The following CACNA2D1 variants were observed in gnomAD, a reference collection of about 807,000 sequenced individuals.
CACNA2D1 encodes voltage-dependent calcium channel subunit alpha-2/delta-1.
CACNA2D1 carries 53 observed loss-of-function variants against 171.5 expected under a neutral mutation model. That is an observed-to-expected ratio of 0.31 (90% CI 0.25 to 0.39). CACNA2D1 has a LOEUF of 0.39. CACNA2D1 is among the 10% of genes least tolerant of loss of function. The pLI is 1.00. For missense variants in CACNA2D1, 903 were observed against 1,299.8 expected, an observed-to-expected ratio of 0.69 and a Z score of 4.69; for synonymous variants, 442 against 443.1, an observed-to-expected ratio of 1.00 and a Z score of 0.03.
chr7:82,141,766 T>A (rs542396231), intron 4 of CACNA2D1, among the ~76,000 whole-genome samples: 423 of 152,316 alleles, frequency 2.8e-3, no homozygotes, highest in South Asian at 0.015. Context: ...ATTAACAATT[T>A]TAGATAGTCA....
chr7:82,085,945 T>C (rs994754452), intron 6 of CACNA2D1, among the ~76,000 whole-genome samples: 1 of 152,142 alleles, frequency 6.6e-6, no homozygotes, highest in African/African-American at 2.4e-5. Flanking sequence ...AAGTCTAGCA[T>C]ACTAAAAATT....
chr7:82,137,416 A>G (rs1462567108), intron 4 of CACNA2D1, among the ~76,000 whole-genome samples: 1 of 152,172 alleles, frequency 6.6e-6, no homozygotes, highest in Admixed American at 6.5e-5. Flanking sequence ...CTCTGAGGCT[A>G]GTTCTATGTA....
chr7:82,292,099 G>T (rs1018519458), intron 3 of CACNA2D1, among the ~76,000 whole-genome samples: 1 of 151,912 alleles, frequency 6.6e-6, no homozygotes, highest in African/African-American at 2.4e-5. Flanking sequence ...ACATAATTAT[G>T]ATAATGAAAA....
intron 3 of CACNA2D1, among the ~76,000 whole-genome samples, chr7:82,183,935 T>C (rs895000710): frequency 1.3e-5 from 2 of 152,182 alleles, no homozygotes; most frequent in Non-Finnish European, 2.9e-5. Flanking sequence ...AGGGGATTCA[T>C]TTCCAGTTAT....
chr7:82,381,334 A>T (rs1823694995), intron 1 of CACNA2D1, among the ~76,000 whole-genome samples: 1 of 151,630 alleles, frequency 6.6e-6, no homozygotes, highest in African/African-American at 2.4e-5. Flanking sequence ...AAAAAAAAAA[A>T]ATACGTCCTT....
intron 38 of CACNA2D1, among the ~76,000 whole-genome samples, chr7:81,954,706 C>A (rs1338956198): frequency 6.6e-6 from 1 of 152,062 alleles, no homozygotes; most frequent in African/African-American, 2.4e-5. Context: ...TGAATTATAG[C>A]CATCATTTAA....
At chr7:82,150,325 T>TC (rs147202376) in intron 4 of CACNA2D1, among the ~76,000 whole-genome samples, 16,294 of 141,870 alleles carry the variant, frequency 0.11, 1,078 homozygotes, top group Middle Eastern at 0.19. Flanking sequence ...ACTTTTTTTT[T>TC]CCCCCCAGTA....
At chr7:82,028,903 ATTC>A (rs1346395104) in intron 12 of CACNA2D1, 2 of 152,116 alleles carry the variant, frequency 1.3e-5, no homozygotes, top group Non-Finnish European at 2.9e-5. Flanking sequence ...TGTTGTGAAC[ATTC>A]TTCAAGTGAC....
intron 4 of CACNA2D1, among the ~76,000 whole-genome samples, chr7:82,167,750 A>G (rs1490512404): frequency 6.6e-6 from 1 of 152,070 alleles, no homozygotes; most frequent in African/African-American, 2.4e-5. Context: ...TAAGTGGTCT[A>G]ACTTGTTTTC....
chr7:82,052,030 A>T (rs1805250458), intron 10 of CACNA2D1, among the ~76,000 whole-genome samples: 1 of 152,210 alleles, frequency 6.6e-6, no homozygotes, highest in African/African-American at 2.4e-5. Context: ...TGTTATTTTT[A>T]AAAAGAATGA....
At chr7:82,226,873 T>G (rs1288942123) in intron 3 of CACNA2D1, among the ~76,000 whole-genome samples, 1 of 152,180 alleles carries the variant, frequency 6.6e-6, no homozygotes, top group East Asian at 1.9e-4. Flanking sequence ...AATCAGGCAC[T>G]GTGCCCAGTT....
Position 82,165,123 on chromosome 7 carries a change from T to C in CACNA2D1, c.354+5427A>G, listed in dbSNP as rs553620772. On this transcript the variant is annotated intron_variant, in intron 4 of 38. Transcript: ENST00000356860. Reference sequence around the variant, plus strand: ...TTTCATCATCTCAATCCCAGGATATTGAAGCAGCGGATTGGTCCTGAAAAT... The same window carrying C: ...TTTCATCATCTCAATCCCAGGATATCGAAGCAGCGGATTGGTCCTGAAAAT... Among the ~76,000 whole-genome samples the C allele has an allele frequency of 1.4e-4, 21 of 152,088 alleles. No homozygotes were observed. In the South Asian group the frequency reaches 4.3e-3, roughly 31 times the overall value.
intron 4 of CACNA2D1, among the ~76,000 whole-genome samples, chr7:82,158,276 C>T (rs896568710): frequency 1.3e-5 from 2 of 151,776 alleles, no homozygotes; most frequent in African/African-American, 4.8e-5. Context: ...GTACTGCCCT[C>T]CTTACTTAAT....
At chr7:82,370,834 A>G (rs1355745844) in intron 1 of CACNA2D1, among the ~76,000 whole-genome samples, 1 of 152,176 alleles carries the variant, frequency 6.6e-6, no homozygotes, top group Non-Finnish European at 1.5e-5. Context: ...TGGTACATTA[A>G]TTGCATGAAA....
chr7:82,270,565 T>TATTC (rs749839487), intron 3 of CACNA2D1, among the ~76,000 whole-genome samples: 3 of 152,168 alleles, frequency 2.0e-5, no homozygotes, highest in Non-Finnish European at 4.4e-5. Flanking sequence ...GGGAGACATG[T>TATTC]ATTCATTTCT....
intron 3 of CACNA2D1, among the ~76,000 whole-genome samples, chr7:82,197,068 C>T (rs965127743): frequency 2.0e-5 from 3 of 151,770 alleles, no homozygotes; most frequent in Non-Finnish European, 4.4e-5. Context: ...CTAGTTTAAG[C>T]ATGTTGCTAT....
rs576261140 is a variant in CACNA2D1 at position 82,150,574 on chromosome 7, T to G, written c.355-13898A>C. The stretch of plus-strand genomic sequence containing the variant: ...TATTCCTGAAAAGTAATGACTATGT[T>G]CCAAGGATAGATGTTTGCAATAGAA... On this transcript the variant is annotated intron_variant, in intron 4 of 38. Coordinates refer to ENST00000356860, the MANE Select transcript of CACNA2D1 (RefSeq NM_000722.4). 2.0e-4 allele frequency among the ~76,000 whole-genome samples: 31 copies of G among 152,222 alleles called. No individual in the cohort carries two copies. The East Asian group carries it at 5.2e-3, about 26-fold the overall frequency.
chr7:81,971,921 G>A, intron 25 of CACNA2D1, 57 bp from the exon 26 acceptor site: 1 of 1,054,098 alleles, frequency 9.5e-7, no homozygotes, highest in Non-Finnish European at 1.5e-6. Flanking sequence ...TGATCATAAT[G>A]AAAAATATAT....
At chr7:82,435,749 T>A (rs1830068418) in intron 1 of CACNA2D1, among the ~76,000 whole-genome samples, 1 of 152,230 alleles carries the variant, frequency 6.6e-6, no homozygotes, top group Non-Finnish European at 1.5e-5. Flanking sequence ...ATTACTTTTT[T>A]TTTTTAATTT....
Sources: gnomAD v4.1 joint callset for allele counts (sites outside exome capture counted in the v4.1 genomes callset) on GRCh38, gnomAD v4.1.1 for gene constraint, MANE v1.5 for transcripts, NCBI Gene and HGNC (gene_info 2026-07-23, HGNC 2026-07-21) for gene names.